RNF144A: variants seen among roughly 807,000 people sequenced by gnomAD.
RNF144A encodes ring finger protein 144A.
In RNF144A, 11 loss-of-function variants were observed where a neutral mutation model predicts 38.7. The observed-to-expected ratio is 0.28, with a 90% confidence interval of 0.18 to 0.47. The LOEUF is 0.47. Among genes scored for constraint, RNF144A ranks in the 20% least tolerant of loss-of-function variants. The probability of loss-of-function intolerance (pLI) is 0.99; values close to 1 mark genes in which losing one functional copy is unlikely to be tolerated. For synonymous variants in RNF144A, 149 were observed against 143.9 expected (o/e 1.04, Z -0.25); for missense variants, 316 against 377.2 (o/e 0.84, Z 1.34).
At chr2:6,970,909 C>G (rs992110802) in intron 2 of RNF144A, among the ~76,000 whole-genome samples, 1 of 152,190 alleles carries the variant, frequency 6.6e-6, no homozygotes, top group African/African-American at 2.4e-5. Flanking sequence ...AAGGCATGGC[C>G]TGCATAAAAT....
intron 2 of RNF144A, among the ~76,000 whole-genome samples, chr2:6,982,072 A>G (rs1179755113): frequency 1.3e-5 from 2 of 152,108 alleles, no homozygotes; most frequent in African/African-American, 4.8e-5. Flanking sequence ...CTGGAACAGC[A>G]TGGGGGAAAC....
At chr2:6,971,408 G>C (rs775369626) in intron 2 of RNF144A, among the ~76,000 whole-genome samples, 1 of 152,210 alleles carries the variant, frequency 6.6e-6, no homozygotes, top group Non-Finnish European at 1.5e-5. Context: ...ATATCTGCCA[G>C]AAGGATATTA....
intron 6 of RNF144A, 55 bp from the exon 7 acceptor site, chr2:7,024,314 C>T: frequency 6.6e-7 from 1 of 1,508,302 alleles, no homozygotes; most frequent in Non-Finnish European, 9.0e-7. Flanking sequence ...GCCAGTGCTC[C>T]TGGGTCTCCC....
intron 6 of RNF144A, among the ~76,000 whole-genome samples, chr2:7,050,357 C>T (rs1212218549): frequency 6.6e-6 from 1 of 152,222 alleles, no homozygotes; most frequent in African/African-American, 2.4e-5. Context: ...GACTTTGCTC[C>T]TCCTTCACCT....
Position 7,009,115 on chromosome 2 carries a change from G to A in RNF144A, c.136-5339G>A, listed in dbSNP as rs140518880. 5.3e-3 allele frequency among the ~76,000 whole-genome samples: 813 copies of A among 152,314 alleles called. 5 individuals are homozygous for A. Among genetic ancestry groups the A allele is most frequent in the African/African-American group, 0.019 (774 of 41,568 alleles). ...GTGTGCACTCACCCTCCACATGGGT[G>A]ACAGGAGACCCATACACAGCATGCG... On this transcript the variant is annotated intron_variant, in intron 3 of 8. Coordinates refer to ENST00000320892, the MANE Select transcript of RNF144A (RefSeq NM_014746.6).
chr2:7,019,732 A>G (rs1201773056), intron 5 of RNF144A, among the ~76,000 whole-genome samples: 1 of 152,206 alleles, frequency 6.6e-6, no homozygotes, highest in African/African-American at 2.4e-5. Flanking sequence ...AAGAAATGCA[A>G]TTTTTGGACA....
In RNF144A at chr2:7,039,646, A is replaced by C. The variant is rs1458734959; in HGVS notation, c.765A>C (p.Ala255=). The C allele has an allele frequency of 4.3e-6, 7 of 1,613,532 alleles. No individual in the cohort carries two copies. Among genetic ancestry groups the C allele is most frequent in the Non-Finnish European group, 5.9e-6 (7 of 1,179,764 alleles). Residue 255 remains alanine, a synonymous_variant, in exon 9 of 9, where the codon GCA becomes GCC. Transcript: ENST00000320892. ...TCTTCCAGGTTGTGGGCATTTTTGC[A>C]GGATTTGGGCTGCTGCTCTTGGTGG... ...WHRTQVVGIF[A]GFGLLLLVAS... is the part of the protein sequence containing the mutation.
In RNF144A at chr2:7,043,914, G is replaced by A. The variant is rs1673195473; in HGVS notation, c.*4154G>A. The A allele has an allele frequency of 1.0e-6, 1 of 985,842 alleles. No individual in the cohort carries two copies. The highest frequency in any genetic ancestry group is 1.2e-6 in the Non-Finnish European group (1 of 829,918). 61.1% of individuals were successfully genotyped at this position (985,842 alleles called of 1,614,324 possible). ...CATGTATACGTTATGTATTTGACAAGTGGTGGTGAAACAAAATCAAAACAG... is the reference window on the plus strand; with the variant it reads ...CATGTATACGTTATGTATTTGACAAATGGTGGTGAAACAAAATCAAAACAG... On this transcript the variant is annotated 3_prime_UTR_variant, in exon 9 of 9. Transcript: ENST00000320892.
chr2:6,935,144 C>T (rs1439734611), intron 1 of RNF144A, among the ~76,000 whole-genome samples: 2 of 152,152 alleles, frequency 1.3e-5, no homozygotes, highest in African/African-American at 4.8e-5. Context: ...TCCTTTTGTC[C>T]TCCTCCGCAT....
intron 8 of RNF144A, among the ~76,000 whole-genome samples, chr2:7,035,815 T>C (rs752689818): frequency 8.5e-5 from 13 of 152,250 alleles, no homozygotes; most frequent in Non-Finnish European, 1.3e-4. Context: ...AGAGGTTTTA[T>C]ATGCCACTTG....
chr2:6,991,228 C>T (rs1214789334), intron 2 of RNF144A, among the ~76,000 whole-genome samples: 2 of 152,152 alleles, frequency 1.3e-5, no homozygotes, highest in African/African-American at 4.8e-5. Flanking sequence ...AAGTTTTTAT[C>T]ATTGAGTGGG....
At chr2:7,076,153 C>G in the RNF144A span, among the ~76,000 whole-genome samples, 9 of 152,266 alleles carry the variant, frequency 5.9e-5, no homozygotes, top group Admixed American at 2.6e-4. Flanking sequence ...AGCCCTTTCC[C>G]TAGGGCTTGC....
chr2:6,923,129 A>C (rs781590631), intron 1 of RNF144A, among the ~76,000 whole-genome samples: 5 of 152,118 alleles, frequency 3.3e-5, no homozygotes, highest in Admixed American at 6.5e-5. Flanking sequence ...AGGTCTGCCC[A>C]TATCCTCTGA....
rs868314715 is a variant in RNF144A, at chr2:7,020,657, C to G, written c.486C>G (p.Ile162Met). Reference sequence around the variant, plus strand: ...AGGGCTGCCCGGAGACCATGCCGATCACCTTCCTCCCCGGGGAGACCAGGT... The same window carrying G: ...AGGGCTGCCCGGAGACCATGCCGATGACCTTCCTCCCCGGGGAGACCAGGT... ...PGQGCPETMPITFLPGETSAA... is the reference protein window; with the variant it reads ...PGQGCPETMPMTFLPGETSAA... Residue 162 changes from isoleucine (I) to methionine (M), a missense_variant, in exon 6 of 9, where the codon ATC (isoleucine) becomes ATG (methionine). Physicochemically the swap from Ile to Met is conservative, Grantham distance 10. Coordinates refer to ENST00000320892, the MANE Select transcript of RNF144A (RefSeq NM_014746.6). 6.2e-7 allele frequency: 1 copy of G among 1,605,072 alleles called. No individual in the cohort carries two copies.
chr2:7,055,020 T>C (rs1673678225), intron 6 of RNF144A, among the ~76,000 whole-genome samples: 1 of 152,118 alleles, frequency 6.6e-6, no homozygotes. Context: ...TGCAGTTGCT[T>C]TACTCTTCCT....
chr2:6,945,055 G>T (rs1297645158), intron 2 of RNF144A, among the ~76,000 whole-genome samples: 2 of 152,230 alleles, frequency 1.3e-5, no homozygotes, highest in Non-Finnish European at 2.9e-5. Flanking sequence ...AAAAAGAAAA[G>T]AAATTGTTGG....
rs1174819187 is a variant in RNF144A at position 7,040,370 on chromosome 2, G to T, written c.*610G>T. On this transcript the variant is annotated 3_prime_UTR_variant, in exon 9 of 9. Transcript: ENST00000320892. ...AACGACTTTTCAGGAGATTTAGAAAGCCTTATGCACTCTTTGTGTTTTTCT... is the reference window on the plus strand; with the variant it reads ...AACGACTTTTCAGGAGATTTAGAAATCCTTATGCACTCTTTGTGTTTTTCT... The T allele has an allele frequency of 1.0e-6, 1 of 985,428 alleles. No individual in the cohort carries two copies. 61.0% of individuals were successfully genotyped at this position (985,428 alleles called of 1,614,324 possible). A position where few individuals can be genotyped will look rare whatever the true frequency, so the allele number is the denominator to read the frequency against.
intron 2 of RNF144A, among the ~76,000 whole-genome samples, chr2:6,977,892 C>T (rs1489735478): frequency 6.6e-6 from 1 of 152,098 alleles, no homozygotes; most frequent in African/African-American, 2.4e-5. Context: ...AAAATGAAAG[C>T]ATAGATGGTA....
At chr2:6,974,557 CT>C (rs893914545) in intron 2 of RNF144A, among the ~76,000 whole-genome samples, 1,924 of 146,770 alleles carry the variant, frequency 0.013, 24 homozygotes, top group African/African-American at 0.04. Flanking sequence ...ATTAACACTG[CT>C]TTTTTTTTTT....
Sources: allele counts gnomAD v4.1 joint callset (sites outside exome capture counted in the v4.1 genomes callset), GRCh38; gene constraint gnomAD v4.1.1; transcripts MANE v1.5; gene names NCBI Gene and HGNC (gene_info 2026-07-23, HGNC 2026-07-21).